LPGAT1: variants seen among roughly 807,000 people sequenced by gnomAD.
The protein encoded by LPGAT1 is acyl-CoA:lysophosphatidylglycerol acyltransferase 1.
In LPGAT1, 11 loss-of-function variants were observed where a neutral mutation model predicts 47.5. The observed-to-expected ratio is 0.23, with a 90% CI of 0.15 to 0.38. The LOEUF (loss-of-function observed/expected upper bound fraction) is 0.38. Ranked by LOEUF, LPGAT1 falls within the 10% of genes least tolerant of loss-of-function variation. LPGAT1 has a pLI of 1.00. For synonymous variants in LPGAT1, 138 were observed against 144.2 expected, an observed-to-expected ratio of 0.96 and a Z score of 0.31; for missense variants, 293 against 439.0, an observed-to-expected ratio of 0.67 and a Z score of 2.97.
chr1:211,822,474 T>C (rs1660394191), intron 2 of LPGAT1, among the ~76,000 whole-genome samples: 1 of 152,098 alleles, frequency 6.6e-6, no homozygotes, highest in Non-Finnish European at 1.5e-5. Flanking sequence ...TTCTCCTGGA[T>C]TTACGTCAAG....
intron 2 of LPGAT1, among the ~76,000 whole-genome samples, chr1:211,819,780 T>C (rs1348117649): frequency 6.6e-6 from 1 of 151,982 alleles, no homozygotes; most frequent in African/African-American, 2.4e-5. Context: ...GGGTCAGAAG[T>C]TTGAGATCAG....
At chr1:211,803,115 A>G (rs988103952) in intron 2 of LPGAT1, 14 of 152,268 alleles carry the variant, frequency 9.2e-5, no homozygotes, top group Non-Finnish European at 1.5e-4. Flanking sequence ...AAAAAAGAGA[A>G]AAAAAAATTC....
Position 211,749,875 on chromosome 1 carries a change from A to G in LPGAT1, c.*24T>C. On this transcript the variant is annotated 3_prime_UTR_variant, in exon 8 of 8. Transcript: ENST00000366997. Reference sequence around the variant, plus strand: ...AAAGAAAGTCTGAACTCCTACGGTGACCTTGACAAGTCCACGTCAATTCCT... The same window carrying G: ...AAAGAAAGTCTGAACTCCTACGGTGGCCTTGACAAGTCCACGTCAATTCCT... 6.2e-7 allele frequency: 1 copy of G among 1,612,120 alleles called. No homozygotes were observed. The highest frequency in any genetic ancestry group is 2.2e-5 in the East Asian group (1 of 44,856).
Position 211,830,576 on chromosome 1 carries a change from G to A in LPGAT1, c.-31C>T, listed in dbSNP as rs1041261419. ...CGACCGCGGAGCCGGAGGTTACCTC[G>A]GGCTGGCCGGGCCCCAGCCGGGGCT... On this transcript the variant is annotated 5_prime_UTR_variant, in exon 1 of 8. Coordinates refer to ENST00000366997, the MANE Select transcript of LPGAT1 (RefSeq NM_014873.3). This position sits in a 1 kb window ranked among gnomAD's most constrained non-coding sequence, Gnocchi z 5.9. 9.9e-5 allele frequency: 117 copies of A among 1,181,990 alleles called. No homozygotes were observed. The highest frequency in any genetic ancestry group is 1.2e-4 in the Non-Finnish European group (116 of 956,740). The allele number at this position is 1,181,990 out of a possible 1,614,324, so 73.2% of individuals were successfully genotyped here.
At position 211,817,580 on chromosome 1, in the gene LPGAT1, AAAAG is replaced by A. The variant is rs972646073; in HGVS notation, c.238+11475_238+11478del. Among the ~76,000 whole-genome samples the A allele has an allele frequency of 2.0e-5, 3 of 152,146 alleles. 1 individual carries two copies. Among genetic ancestry groups the A allele is most frequent in the East Asian group, 1.9e-4 (1 of 5,164 alleles). On this transcript the variant is annotated intron_variant, in intron 2 of 7. Coordinates refer to ENST00000366997, the MANE Select transcript of LPGAT1 (RefSeq NM_014873.3). ...AGTGAGGCTCCATCTCAAAAAAAAA[AAAAG>A]AAAGAAAGAATTTTTAATAATCTAG...
intron 2 of LPGAT1, among the ~76,000 whole-genome samples, chr1:211,794,210 A>T (rs1333388316): frequency 6.6e-6 from 1 of 152,246 alleles, no homozygotes; most frequent in East Asian, 1.9e-4. Context: ...TGAAGTTATC[A>T]GATGAAAAGT....
chr1:211,752,116 C>T (rs12145346), intron 6 of LPGAT1, among the ~76,000 whole-genome samples: 1 of 152,132 alleles, frequency 6.6e-6, no homozygotes, highest in Non-Finnish European at 1.5e-5. Context: ...TGCTAAGCCA[C>T]GGAGTAAATC....
At chr1:211,779,853 AAAAT>A (rs56183480) in intron 5 of LPGAT1, among the ~76,000 whole-genome samples, 92,720 of 144,898 alleles carry the variant, frequency 0.64, 31,028 homozygotes, top group East Asian at 0.94. Flanking sequence ...ACTCCGTCTC[AAAAT>A]AAATAAATAA....
intron 3 of LPGAT1, among the ~76,000 whole-genome samples, chr1:211,790,699 T>C (rs1262568058): frequency 1.3e-5 from 2 of 152,108 alleles, no homozygotes; most frequent in Non-Finnish European, 2.9e-5. Context: ...CTAGCCTAAC[T>C]AACTTAAATA....
rs776218664 is a variant in LPGAT1, at chr1:211,829,052, C to T, written c.238+7G>A. On this transcript the variant is annotated splice_region_variant and intron_variant, in intron 2 of 7. Transcript: ENST00000366997. ...TATGCATTAAAGAAAAGTGTTCTCA[C>T]TCTTACCTGTATATCCAGCATACCA... The T allele has an allele frequency of 2.1e-5, 34 of 1,613,660 alleles. No individual in the cohort carries two copies. The highest frequency in any genetic ancestry group is 2.8e-5 in the Non-Finnish European group (33 of 1,179,852).
rs191524567 is a variant in LPGAT1 at position 211,798,451 on chromosome 1, G to A, written c.239-5261C>T. ...TGTAATCCCAGCACTCTGGGAGGCC[G>A]AGGCAGGAGGACCCCTTGAGGCCAG... is the stretch of plus-strand genomic sequence containing the variant. On this transcript the variant is annotated intron_variant, in intron 2 of 7. Transcript: ENST00000366997. Among the ~76,000 whole-genome samples, 465 of 152,236 alleles carry A rather than the reference G, an allele frequency of 3.1e-3. 4 individuals carry two copies. The highest frequency in any genetic ancestry group is 6.8e-3 in the Middle Eastern group (2 of 294).
At chr1:211,808,885 C>G (rs931959824) in intron 2 of LPGAT1, among the ~76,000 whole-genome samples, 15 of 152,116 alleles carry the variant, frequency 9.9e-5, no homozygotes, top group African/African-American at 3.4e-4. Flanking sequence ...AACCTCTCCC[C>G]CAAAGTAGCC....
chr1:211,774,075 T>C (rs1254020206), intron 6 of LPGAT1, among the ~76,000 whole-genome samples: 1 of 151,268 alleles, frequency 6.6e-6, no homozygotes, highest in Non-Finnish European at 1.5e-5. Context: ...TATCATTCTT[T>C]ATATATCTTA....
intron 2 of LPGAT1, among the ~76,000 whole-genome samples, chr1:211,818,193 T>C (rs1660247868): frequency 6.6e-6 from 1 of 152,160 alleles, no homozygotes; most frequent in Non-Finnish European, 1.5e-5. Flanking sequence ...GGCATATAAA[T>C]GCAAAACCAT....
chr1:211,809,389 C>CTTAT (rs1355716674), intron 2 of LPGAT1, among the ~76,000 whole-genome samples: 1 of 152,152 alleles, frequency 6.6e-6, no homozygotes, highest in Non-Finnish European at 1.5e-5. Context: ...TGAGCAACAA[C>CTTAT]ACTGAATTCA....
intron 2 of LPGAT1, among the ~76,000 whole-genome samples, chr1:211,823,434 T>C (rs1571771357): frequency 6.6e-6 from 1 of 152,098 alleles, no homozygotes; most frequent in Non-Finnish European, 1.5e-5. Flanking sequence ...AGTCCCCTAT[T>C]CCCTCCCTGT....
At chr1:211,776,494 T>A (rs527585854) in intron 6 of LPGAT1, among the ~76,000 whole-genome samples, 2 of 152,184 alleles carry the variant, frequency 1.3e-5, no homozygotes, top group South Asian at 4.2e-4. Flanking sequence ...CACTGCACTC[T>A]AGCCTGGGCG....
intron 5 of LPGAT1, among the ~76,000 whole-genome samples, chr1:211,782,021 G>A (rs1030090746): frequency 1.3e-5 from 2 of 152,090 alleles, no homozygotes; most frequent in Non-Finnish European, 2.9e-5. Flanking sequence ...ACTCAGAAAA[G>A]CAATCACTGC....
chr1:211,797,258 A>AAAAAC (rs1407882348), intron 2 of LPGAT1, among the ~76,000 whole-genome samples: 3 of 152,064 alleles, frequency 2.0e-5, no homozygotes, highest in Admixed American at 6.6e-5. Flanking sequence ...TCTGTCTCAA[A>AAAAAC]AAAACAAAAC....
Sources: allele counts gnomAD v4.1 joint callset (sites outside exome capture counted in the v4.1 genomes callset), GRCh38; gene constraint gnomAD v4.1.1; non-coding constraint Gnocchi (gnomAD v3.1); transcripts MANE v1.5; gene names NCBI Gene and HGNC (gene_info 2026-07-23, HGNC 2026-07-21).